TTC12: variants seen among roughly 807,000 people sequenced by gnomAD.
The protein encoded by TTC12 is tetratricopeptide repeat domain 12, also known as tetratricopeptide repeat protein 12.
In TTC12, 70 loss-of-function variants were observed where a neutral mutation model predicts 90.1. That is an observed-to-expected ratio of 0.78 (90% CI 0.64 to 0.95). The LOEUF (loss-of-function observed/expected upper bound fraction) is 0.95. Among genes scored for constraint, TTC12 ranks in the 40% least tolerant of loss-of-function variants. The pLI is 0.00. For synonymous variants in TTC12, 296 were observed against 311.5 expected, an observed-to-expected ratio of 0.95 and a Z score of 0.53; for missense variants, 819 against 846.1, an observed-to-expected ratio of 0.97 and a Z score of 0.40.
downstream of TTC12, chr11:113,368,640 C>A: frequency 1.3e-6 from 1 of 791,470 alleles, no homozygotes; most frequent in Non-Finnish European, 2.1e-6. Flanking sequence ...GGTTCCAGTG[C>A]GCCGCAAGGT....
chr11:113,326,390 T>C (rs906153733), intron 6 of TTC12, among the ~76,000 whole-genome samples: 4 of 152,168 alleles, frequency 2.6e-5, no homozygotes, highest in Non-Finnish European at 5.9e-5. Flanking sequence ...AATTGGCAGA[T>C]TCATGGACAT....
downstream of TTC12, chr11:113,368,724 T>C (rs1413793823): frequency 1.4e-5 from 8 of 560,640 alleles, no homozygotes; most frequent in African/African-American, 3.7e-5. Context: ...GGGCTGCTAT[T>C]GTAAACACTT....
At chr11:113,367,263 G>A (rs1950247138), downstream of TTC12, among the ~76,000 whole-genome samples, 4 of 152,164 alleles carry the variant, frequency 2.6e-5, no homozygotes, top group Admixed American at 2.6e-4. Flanking sequence ...AAAGACTTTT[G>A]GTCGTACCCT....
chr11:113,363,808 A>G lies in TTC12; in HGVS notation c.1717-20A>G, dbSNP rs1329740523. On this transcript the variant is annotated intron_variant, in intron 19 of 21. Coordinates refer to ENST00000529221, the MANE Select transcript of TTC12 (RefSeq NM_017868.4). ...ATCATAGCACTGATTTTATTTTTCT[A>G]ATTTCATTCTGAAATCTAGACAGGA... 1.9e-6 allele frequency: 3 copies of G among 1,556,694 alleles called. No individual in the cohort carries two copies. The highest frequency in any genetic ancestry group is 2.2e-5 in the South Asian group (2 of 88,916).
At chr11:113,367,774 G>A (rs1950260455), downstream of TTC12, among the ~76,000 whole-genome samples, 1 of 152,242 alleles carries the variant, frequency 6.6e-6, no homozygotes, top group Admixed American at 6.5e-5. Flanking sequence ...TCAGATTGAT[G>A]TACTGCGCAT....
At chr11:113,346,740 C>T (rs1349760751) in intron 13 of TTC12, among the ~76,000 whole-genome samples, 5 of 139,520 alleles carry the variant, frequency 3.6e-5, no homozygotes, top group Admixed American at 2.2e-4. Flanking sequence ...CAGCAAACAG[C>T]ATCTGCTACA....
At chr11:113,340,953 G>A (rs1948647321) in intron 11 of TTC12, among the ~76,000 whole-genome samples, 2 of 152,206 alleles carry the variant, frequency 1.3e-5, no homozygotes, top group South Asian at 4.1e-4. Flanking sequence ...ATTGAGGCTG[G>A]GCGCGGTGGC....
At chr11:113,353,149 T>C (rs1289699800) in intron 16 of TTC12, among the ~76,000 whole-genome samples, 9 of 152,238 alleles carry the variant, frequency 5.9e-5, no homozygotes, top group Non-Finnish European at 1.2e-4. Flanking sequence ...TTTGACTTTT[T>C]AATAATTGCC....
chr11:113,342,876 G>T (rs1555146640), intron 12 of TTC12, among the ~76,000 whole-genome samples: 1 of 152,184 alleles, frequency 6.6e-6, no homozygotes, highest in Admixed American at 6.5e-5. Context: ...CCCTACAGGA[G>T]GGCGAGGAAG....
intron 2 of TTC12, among the ~76,000 whole-genome samples, chr11:113,321,410 A>G (rs1357818147): frequency 6.6e-6 from 1 of 152,188 alleles, no homozygotes; most frequent in Middle Eastern, 3.2e-3. Flanking sequence ...CTGAAAAACC[A>G]CCTGGCTATC....
At chr11:113,371,761 CTTTAAGT>C (rs1169025881) in intron 21 of TTC12, among the ~76,000 whole-genome samples, 2 of 152,310 alleles carry the variant, frequency 1.3e-5, no homozygotes, top group Non-Finnish European at 2.9e-5. Context: ...CATAACCTCG[CTTTAAGT>C]TTTAAGTTTC....
chr11:113,330,736 C>T (rs1252531072), intron 7 of TTC12, among the ~76,000 whole-genome samples: 1 of 152,112 alleles, frequency 6.6e-6, no homozygotes, highest in Non-Finnish European at 1.5e-5. Flanking sequence ...ATGAGCCCCT[C>T]GAGAGGGACT....
At position 113,359,447 on chromosome 11, in the gene TTC12, C is replaced by A; in HGVS notation, c.1531C>A (p.Pro511Thr). The stretch of plus-strand genomic sequence containing the variant: ...CATGATGAACCTGTGTCTTCAGGCT[C>A]CCTTTGTCTCTGAGGTATGGCATTC... The part of the protein sequence containing the change: ...GLMMNLCLQA[P>T]FVSEVWAVEV... Residue 511 changes from proline to threonine, a missense_variant, in exon 17 of 22, where the codon CCC (proline) becomes ACC (threonine). Physicochemically the swap from Pro to Thr is conservative, Grantham distance 38. Coordinates refer to ENST00000529221, the MANE Select transcript of TTC12 (RefSeq NM_017868.4). The A allele has an allele frequency of 1.9e-6, 3 of 1,612,404 alleles. No individual in the cohort carries two copies. Among genetic ancestry groups the A allele is most frequent in the Admixed American group, 1.7e-5 (1 of 60,002 alleles).
chr11:113,314,815 C>CTT (rs1946818507), intron 1 of TTC12, 197 bp downstream of exon 1: 1 of 135,484 alleles, frequency 7.4e-6, no homozygotes, highest in South Asian at 2.2e-4. Context: ...GGCAACAGTG[C>CTT]GTGCGGCCTG....
At chr11:113,329,419 G>A (rs888067103) in intron 6 of TTC12, among the ~76,000 whole-genome samples, 1 of 152,202 alleles carries the variant, frequency 6.6e-6, no homozygotes, top group African/African-American at 2.4e-5. Flanking sequence ...GTGCCCTGGA[G>A]GGCTGACCTG....
chr11:113,355,793 G>T (rs1555152251), intron 16 of TTC12, among the ~76,000 whole-genome samples: 1 of 151,744 alleles, frequency 6.6e-6, no homozygotes, highest in Non-Finnish European at 1.5e-5. Context: ...TCATTTCTTA[G>T]TCTTAATTTC....
intron 18 of TTC12, among the ~76,000 whole-genome samples, chr11:113,360,647 A>T (rs1284201066): frequency 5.3e-5 from 8 of 152,178 alleles, no homozygotes; most frequent in African/African-American, 1.2e-4. Flanking sequence ...CACTCACATT[A>T]AGTGATCACC....
intron 20 of TTC12, 58 bp from the exon 21 acceptor site, chr11:113,364,777 C>T (rs1294353466): frequency 9.6e-6 from 14 of 1,464,862 alleles, no homozygotes; most frequent in Non-Finnish European, 1.2e-5. Flanking sequence ...TGTCCTGTTG[C>T]CAGCCTCCTA....
At chr11:113,362,527 C>T (rs781851117) in intron 19 of TTC12, 25 bp downstream of exon 19, 5 of 1,469,252 alleles carry the variant, frequency 3.4e-6, no homozygotes, top group Non-Finnish European at 4.8e-6. Flanking sequence ...TTGGTTACAA[C>T]CCCTGAAATG....
Sources: gnomAD v4.1 joint callset for allele counts (sites outside exome capture counted in the v4.1 genomes callset) on GRCh38, gnomAD v4.1.1 for gene constraint, MANE v1.5 for transcripts, NCBI Gene and HGNC (gene_info 2026-07-23, HGNC 2026-07-21) for gene names.